The following DNAH11 variants were observed in gnomAD, a reference collection of about 807,000 sequenced individuals.
The protein encoded by DNAH11 is dynein axonemal heavy chain 11.
DNAH11 carries 442 observed loss-of-function variants against 526.0 expected under a neutral mutation model. The ratio of observed to expected loss-of-function variants is 0.84; its 90% CI spans 0.78 to 0.91. The LOEUF (loss-of-function observed/expected upper bound fraction) is 0.91, where lower values mean the gene tolerates loss of function less well. Among genes scored for constraint, DNAH11 ranks in the 40% least tolerant of loss-of-function variants. The pLI is 0.00. For synonymous variants in DNAH11, 2,461 were observed against 1,935.9 expected (o/e 1.27, Z -7.12); for missense variants, 6,989 against 5,448.7 (o/e 1.28, Z -8.90).
intron 76 of DNAH11, among the ~76,000 whole-genome samples, chr7:21,889,439 ACT>A (rs746157920): frequency 4.6e-5 from 7 of 152,166 alleles, no homozygotes; most frequent in Non-Finnish European, 8.8e-5. Flanking sequence ...CCAAGTGATA[ACT>A]CTATGTTTAT....
In DNAH11 at chr7:21,901,535, C is replaced by T. The variant is rs1348492741; in HGVS notation, c.*281C>T. The T allele has an allele frequency of 4.0e-6, 1 of 248,112 alleles. No individual in the cohort carries two copies. The highest frequency in any genetic ancestry group is 7.6e-6 in the Non-Finnish European group (1 of 132,114). 15.4% of individuals were successfully genotyped at this position (248,112 alleles called of 1,614,324 possible). On this transcript the variant is annotated 3_prime_UTR_variant, in exon 82 of 82. Coordinates refer to ENST00000409508, the MANE Select transcript of DNAH11 (RefSeq NM_001277115.2). ...AGTGAGCCGAGGTTGCACCACTGCA[C>T]TCCCTCCTGGGCAACAGAACAAGAC...
At chr7:21,805,924 G>A (rs564801832) in intron 62 of DNAH11, among the ~76,000 whole-genome samples, 25 of 152,072 alleles carry the variant, frequency 1.6e-4, no homozygotes, top group Non-Finnish European at 3.7e-4. Flanking sequence ...ATATCGCATT[G>A]ACCTGGAAGC....
At position 21,589,363 on chromosome 7, in the gene DNAH11, G is replaced by T. The variant is rs1583506683; in HGVS notation, c.2129G>T (p.Ser710Ile). Reference sequence around the variant, plus strand: ...TTGAATCAACCCTTGGTTAAATTCAGTGCCATAAATGGTCTTCTCTGTGTC... The same window carrying T: ...TTGAATCAACCCTTGGTTAAATTCATTGCCATAAATGGTCTTCTCTGTGTC... ...FNLNQPLVKF[S>I]AINGLLCVNF... The change falls in exon 12 of 82, where the codon AGT (serine) becomes ATT (isoleucine). Residue 710 changes from serine to isoleucine, a missense_variant. Ser to Ile is a moderately radical substitution (Grantham distance 142). Coordinates refer to ENST00000409508, the MANE Select transcript of DNAH11 (RefSeq NM_001277115.2). 1 of 1,608,878 alleles carries T rather than the reference G, an allele frequency of 6.2e-7. No individual in the cohort carries two copies. Among genetic ancestry groups the T allele is most frequent in the Non-Finnish European group, 8.5e-7 (1 of 1,177,968 alleles).
chr7:21,831,931 A>C (rs1056369851), intron 65 of DNAH11, among the ~76,000 whole-genome samples: 2 of 151,630 alleles, frequency 1.3e-5, no homozygotes, highest in African/African-American at 4.9e-5. Context: ...CTCTACTAAA[A>C]ATATAAAAAT....
chr7:21,621,253 C>T (rs1264042673), intron 25 of DNAH11, among the ~76,000 whole-genome samples: 3 of 152,008 alleles, frequency 2.0e-5, no homozygotes, highest in Admixed American at 1.3e-4. Context: ...ACACATACAC[C>T]CTCCCAAGAC....
At chr7:21,658,412 C>T (rs990101071) in intron 29 of DNAH11, among the ~76,000 whole-genome samples, 1 of 152,098 alleles carries the variant, frequency 6.6e-6, no homozygotes, top group South Asian at 2.1e-4. Context: ...ACTCATACCT[C>T]TATAGGTGTC....
intron 76 of DNAH11, among the ~76,000 whole-genome samples, chr7:21,891,356 C>T (rs1784320581): frequency 6.6e-6 from 1 of 152,142 alleles, no homozygotes; most frequent in African/African-American, 2.4e-5. Flanking sequence ...TTCCTCTGTA[C>T]ATTTAAGTGC....
chr7:21,877,187 C>T lies in DNAH11; in HGVS notation c.12196-3515C>T, dbSNP rs559367921. Among the ~76,000 whole-genome samples, 7 of 152,320 alleles carry T rather than the reference C, an allele frequency of 4.6e-5. No individual in the cohort carries two copies. In the South Asian group the frequency reaches 1.2e-3, roughly 27 times the overall value. On this transcript the variant is annotated intron_variant, in intron 74 of 81. Transcript: ENST00000409508. ...TACCCAAGAGGTTTAGACAAGTCAA[C>T]TGTACTGCTAGGGTATTTTTCAAAT...
intron 80 of DNAH11, among the ~76,000 whole-genome samples, 167 bp from the exon 81 acceptor site, chr7:21,899,813 C>A (rs748397504): frequency 1.3e-5 from 2 of 152,202 alleles, no homozygotes; most frequent in Non-Finnish European, 1.5e-5. Context: ...GCGAGCTTGT[C>A]CTGCAGGCCT....
intron 63 of DNAH11, among the ~76,000 whole-genome samples, chr7:21,813,624 T>G (rs1049703858): frequency 6.6e-6 from 1 of 152,212 alleles, no homozygotes; most frequent in Non-Finnish European, 1.5e-5. Flanking sequence ...ATAACTAATT[T>G]CACTTTGGCT....
chr7:21,761,193 T>A (rs183068374), intron 54 of DNAH11, among the ~76,000 whole-genome samples: 7 of 152,318 alleles, frequency 4.6e-5, no homozygotes, highest in Admixed American at 2.0e-4. Context: ...CAAGGAAAGC[T>A]GGATGGCAGG....
At chr7:21,609,587 A>G (rs1238010017) in intron 20 of DNAH11, among the ~76,000 whole-genome samples, 1 of 152,198 alleles carries the variant, frequency 6.6e-6, no homozygotes, top group Non-Finnish European at 1.5e-5. Flanking sequence ...ACGATTAAAA[A>G]TAAATCAAAG....
chr7:21,616,369 C>G, intron 22 of DNAH11, 77 bp downstream of exon 22: 2 of 1,178,864 alleles, frequency 1.7e-6, no homozygotes, highest in Admixed American at 1.9e-5. Context: ...AATCTAGTAT[C>G]TGGTGTATTG....
intron 28 of DNAH11, among the ~76,000 whole-genome samples, chr7:21,640,329 C>T (rs1054241873): frequency 2.6e-5 from 4 of 152,256 alleles, no homozygotes; most frequent in Admixed American, 2.6e-4. Context: ...TGAGGGCATC[C>T]TCATGACCAG....
chr7:21,732,292 C>T (rs890987021), intron 45 of DNAH11, among the ~76,000 whole-genome samples: 4 of 152,178 alleles, frequency 2.6e-5, no homozygotes, highest in African/African-American at 9.7e-5. Flanking sequence ...ATGTGTATCC[C>T]TGATATCTCC....
At chr7:21,640,226 C>A (rs1315589895) in intron 28 of DNAH11, among the ~76,000 whole-genome samples, 1 of 152,162 alleles carries the variant, frequency 6.6e-6, no homozygotes, top group Admixed American at 6.5e-5. Context: ...CTATATCCGT[C>A]TTTTACATAC....
intron 9 of DNAH11, among the ~76,000 whole-genome samples, chr7:21,583,273 A>G (rs1216535150): frequency 1.3e-5 from 2 of 151,836 alleles, no homozygotes; most frequent in East Asian, 1.9e-4. Flanking sequence ...GGCCTCAGAA[A>G]TAATGACACA....
intron 76 of DNAH11, among the ~76,000 whole-genome samples, chr7:21,888,920 C>G (rs1190744075): frequency 1.3e-5 from 2 of 152,044 alleles, no homozygotes; most frequent in African/African-American, 4.8e-5. Context: ...GTAACATTTA[C>G]CAATTTAAAT....
chr7:21,811,424 C>T (rs1225192584), intron 63 of DNAH11, among the ~76,000 whole-genome samples: 1 of 151,126 alleles, frequency 6.6e-6, no homozygotes, highest in South Asian at 2.1e-4. Flanking sequence ...CCACTGTACT[C>T]CAGCCTGGGT....
Sources: allele counts gnomAD v4.1 joint callset (sites outside exome capture counted in the v4.1 genomes callset), GRCh38; gene constraint gnomAD v4.1.1; transcripts MANE v1.5; gene names NCBI Gene and HGNC (gene_info 2026-07-23, HGNC 2026-07-21).